Variants in TNPO3 observed in about 807,000 individuals in gnomAD.
TNPO3 encodes transportin-3.
Under a neutral mutation model 122.8 loss-of-function variants are expected in TNPO3, and 65 were observed. The ratio of observed to expected loss-of-function variants is 0.53; its 90% CI spans 0.43 to 0.65. The LOEUF is 0.65. TNPO3 is among the 30% of genes least tolerant of loss of function. The probability of loss-of-function intolerance (pLI) is 0.00; values close to 1 mark genes in which losing one functional copy is unlikely to be tolerated. For synonymous variants in TNPO3, 372 were observed against 411.2 expected (o/e 0.90, Z 1.15); for missense variants, 850 against 1,136.7 (o/e 0.75, Z 3.63).
intron 1 of TNPO3, among the ~76,000 whole-genome samples, chr7:129,025,228 T>G (rs1401037544): frequency 6.6e-6 from 1 of 151,006 alleles, no homozygotes; most frequent in Non-Finnish European, 1.5e-5. Context: ...TGGGTGCCTG[T>G]AATCCCAGCT....
At position 128,962,091 on chromosome 7, in the gene TNPO3, C is replaced by T. The variant is rs191250047; in HGVS notation, c.2712-4776G>A. Among the ~76,000 whole-genome samples, 70 of 152,186 alleles carry T rather than the reference C, an allele frequency of 4.6e-4. 2 individuals carry two copies. In the East Asian group the frequency reaches 9.7e-3, roughly 21 times the overall value. On this transcript the variant is annotated intron_variant, in intron 21 of 22. Transcript: ENST00000265388. The stretch of plus-strand genomic sequence containing the variant: ...TAAAAAAGCTAGGGAATTGGCCAGG[C>T]GCGGTGGCTCACACCTGTAATCCCA...
chr7:128,968,342 A>G (rs577794899), intron 20 of TNPO3, among the ~76,000 whole-genome samples: 2 of 152,250 alleles, frequency 1.3e-5, no homozygotes, highest in African/African-American at 4.8e-5. Context: ...ATATCTAAGA[A>G]TTCTCTTTAT....
intron 14 of TNPO3, among the ~76,000 whole-genome samples, chr7:128,980,973 A>G (rs1799571331): frequency 8.1e-6 from 1 of 124,106 alleles, no homozygotes; most frequent in Admixed American, 7.6e-5. Flanking sequence ...GAAAAGCAGG[A>G]AAAAAAAACC....
chr7:129,051,688 G>C (rs1355950016), intron 1 of TNPO3, among the ~76,000 whole-genome samples: 1 of 152,054 alleles, frequency 6.6e-6, no homozygotes, highest in East Asian at 1.9e-4. Flanking sequence ...CTGTCGCCCA[G>C]GCTGGAGTGC....
chr7:129,001,106 T>G lies in TNPO3; in HGVS notation c.825A>C (p.Thr275=), dbSNP rs772858805. Residue 275 remains threonine, a synonymous_variant, in exon 6 of 23, where the codon ACA becomes ACC. Transcript: ENST00000265388. ...LAMQLFQGVL[T]LETAYHMAVA... The stretch of plus-strand genomic sequence containing the variant: ...CGGCCATATGATAGGCAGTCTCCAA[T>G]GTCAGCACTCCCTGAAAAAGTTGCA... 1 of 1,614,180 alleles carries G rather than the reference T, an allele frequency of 6.2e-7. No homozygotes were observed. The highest frequency in any genetic ancestry group is 1.7e-5 in the Admixed American group (1 of 60,020).
chr7:128,981,271 C>G (rs1799598225), intron 14 of TNPO3, among the ~76,000 whole-genome samples: 1 of 152,156 alleles, frequency 6.6e-6, no homozygotes, highest in African/African-American at 2.4e-5. Context: ...ACATAGGCTT[C>G]TACACAATGA....
intron 1 of TNPO3, among the ~76,000 whole-genome samples, chr7:129,047,091 G>T (rs1256267180): frequency 6.6e-6 from 1 of 152,184 alleles, no homozygotes; most frequent in Non-Finnish European, 1.5e-5. Context: ...ATCAAAGCAT[G>T]ACTTTACTTC....
At chr7:129,041,418 A>T (rs955625709) in intron 1 of TNPO3, 7 of 461,986 alleles carry the variant, frequency 1.5e-5, no homozygotes, top group African/African-American at 2.1e-5. Flanking sequence ...AGAAAATTCA[A>T]CCAAATCCTG....
chr7:128,987,470 T>C (rs1800285083), intron 11 of TNPO3, among the ~76,000 whole-genome samples: 1 of 152,218 alleles, frequency 6.6e-6, no homozygotes, highest in Non-Finnish European at 1.5e-5. Flanking sequence ...ATGTAAGTGC[T>C]CCAAGAAAGT....
At chr7:128,969,480 TA>T (rs1240994837) in intron 20 of TNPO3, among the ~76,000 whole-genome samples, 4 of 129,262 alleles carry the variant, frequency 3.1e-5, no homozygotes, top group Non-Finnish European at 5.4e-5. Context: ...ACAGTAATAT[TA>T]AAAATTATAA....
At chr7:129,051,987 T>C (rs1357394185) in intron 1 of TNPO3, among the ~76,000 whole-genome samples, 3 of 152,140 alleles carry the variant, frequency 2.0e-5, no homozygotes, top group East Asian at 1.9e-4. Context: ...CAGGGTGTGA[T>C]TGTGTGACCA....
intron 1 of TNPO3, among the ~76,000 whole-genome samples, chr7:129,025,607 C>T (rs548605176): frequency 3.5e-4 from 54 of 152,130 alleles, no homozygotes; most frequent in African/African-American, 1.3e-3. Context: ...GGGACAGGGT[C>T]TCACTATGTT....
At chr7:128,965,772 C>T (rs1056638030) in intron 21 of TNPO3, among the ~76,000 whole-genome samples, 6 of 152,182 alleles carry the variant, frequency 3.9e-5, no homozygotes, top group Admixed American at 2.6e-4. Context: ...AAAATTCTGG[C>T]ACACGCTACA....
intron 11 of TNPO3, among the ~76,000 whole-genome samples, chr7:128,988,234 C>T (rs1275783875): frequency 6.6e-6 from 1 of 152,152 alleles, no homozygotes; most frequent in African/African-American, 2.4e-5. Context: ...CCTCAGCCTC[C>T]CAAAGTGCTG....
chr7:128,974,161 G>A (rs547911164), intron 18 of TNPO3, among the ~76,000 whole-genome samples: 19 of 151,912 alleles, frequency 1.3e-4, no homozygotes, highest in African/African-American at 4.3e-4. Context: ...GCAACAGAGT[G>A]AGAGTCCATC....
At chr7:128,959,145 C>G (rs1797191890) in intron 21 of TNPO3, among the ~76,000 whole-genome samples, 1 of 152,218 alleles carries the variant, frequency 6.6e-6, no homozygotes. Flanking sequence ...GTTAAGGAGG[C>G]AGCCAGGGTA....
chr7:129,038,298 AC>A (rs1806944507), intron 1 of TNPO3, among the ~76,000 whole-genome samples: 1 of 152,198 alleles, frequency 6.6e-6, no homozygotes, highest in African/African-American at 2.4e-5. Context: ...GACACCAAGA[AC>A]CCAATTTAAA....
intron 15 of TNPO3, 86 bp from the exon 16 acceptor site, chr7:128,979,209 G>A: frequency 6.5e-7 from 1 of 1,528,406 alleles, no homozygotes; most frequent in Non-Finnish European, 8.9e-7. Flanking sequence ...ACCTCATTTA[G>A]CTTTTAAATA....
At chr7:129,000,279 T>A (rs567116300) in intron 7 of TNPO3, 150 bp downstream of exon 7, 80 of 933,120 alleles carry the variant, frequency 8.6e-5, no homozygotes, top group African/African-American at 6.1e-4. Flanking sequence ...ATAATTTTTT[T>A]AAAAAATTCC....
Sources: gnomAD v4.1 joint callset for allele counts (sites outside exome capture counted in the v4.1 genomes callset) on GRCh38, gnomAD v4.1.1 for gene constraint, MANE v1.5 for transcripts, NCBI Gene and HGNC (gene_info 2026-07-23, HGNC 2026-07-21) for gene names.